Variants in MNAT1 observed in about 807,000 individuals in gnomAD.
The protein encoded by MNAT1 is MNAT1 component of CDK activating kinase, also known as CDK-activating kinase assembly factor MAT1.
In MNAT1, 43 loss-of-function variants were observed where a neutral mutation model predicts 42.0. That is an observed-to-expected ratio of 1.02 (90% CI 0.80 to 1.32). The LOEUF (loss-of-function observed/expected upper bound fraction) is 1.32, where lower values mean the gene tolerates loss of function less well. MNAT1 is among the 40% of genes most tolerant of loss of function. The pLI is 0.00. For synonymous variants in MNAT1, 118 were observed against 120.0 expected, an observed-to-expected ratio of 0.98 and a Z score of 0.11; for missense variants, 306 against 350.4, an observed-to-expected ratio of 0.87 and a Z score of 1.01.
intron 1 of MNAT1, among the ~76,000 whole-genome samples, chr14:60,736,374 T>G (rs901312676): frequency 1.3e-5 from 2 of 152,120 alleles, no homozygotes; most frequent in Non-Finnish European, 2.9e-5. Context: ...CTAGCAGCAC[T>G]TAGCCATTCA....
At chr14:60,918,493 C>A (rs2035581595) in intron 7 of MNAT1, among the ~76,000 whole-genome samples, 1 of 151,572 alleles carries the variant, frequency 6.6e-6, no homozygotes, top group South Asian at 2.1e-4. Flanking sequence ...GAGGCATGAG[C>A]CACAGTGCCC....
intron 7 of MNAT1, among the ~76,000 whole-genome samples, chr14:60,884,269 A>G (rs1005667226): frequency 6.6e-6 from 1 of 152,118 alleles, no homozygotes; most frequent in Non-Finnish European, 1.5e-5. Flanking sequence ...GGTTTTTACC[A>G]TGAAAGAATG....
chr14:60,923,309 A>G (rs545620504), intron 7 of MNAT1, among the ~76,000 whole-genome samples: 2 of 152,314 alleles, frequency 1.3e-5, no homozygotes, highest in East Asian at 3.9e-4. Context: ...ACAAGTTCCT[A>G]AGTAATGCTG....
Position 60,822,637 on chromosome 14 carries a change from T to C in MNAT1, c.687+3790T>C, listed in dbSNP as rs377436029. Reference sequence around the variant, plus strand: ...TTTTTTTTGGAGAGGAGGCAGGGTATAGTTATGTTGGCCAGGCTGGTCTTG... The same window carrying C: ...TTTTTTTTGGAGAGGAGGCAGGGTACAGTTATGTTGGCCAGGCTGGTCTTG... On this transcript the variant is annotated intron_variant, in intron 6 of 7. Coordinates refer to ENST00000261245, the MANE Select transcript of MNAT1 (RefSeq NM_002431.4). Among the ~76,000 whole-genome samples the C allele has an allele frequency of 4.5e-4, 67 of 150,384 alleles. 3 individuals are homozygous for C. The East Asian group carries it at 9.8e-3, about 22-fold the overall frequency.
At chr14:60,755,281 C>T (rs2030294556) in intron 1 of MNAT1, among the ~76,000 whole-genome samples, 1 of 152,126 alleles carries the variant, frequency 6.6e-6, no homozygotes, top group Admixed American at 6.5e-5. Context: ...ATAGCTGGGA[C>T]TGCAGGCACG....
At chr14:60,827,916 T>A (rs2033100820) in intron 6 of MNAT1, among the ~76,000 whole-genome samples, 1 of 152,182 alleles carries the variant, frequency 6.6e-6, no homozygotes, top group Non-Finnish European at 1.5e-5. Flanking sequence ...CACATGGATA[T>A]CCCTGAAGAG....
intron 1 of MNAT1, among the ~76,000 whole-genome samples, chr14:60,746,341 C>T (rs890384296): frequency 6.6e-6 from 1 of 151,974 alleles, no homozygotes; most frequent in African/African-American, 2.4e-5. Flanking sequence ...TGGTGAAACC[C>T]CATCTCTACT....
chr14:60,897,517 CT>C (rs993767528), intron 7 of MNAT1, among the ~76,000 whole-genome samples: 25 of 151,996 alleles, frequency 1.6e-4, no homozygotes, highest in African/African-American at 5.5e-4. Context: ...GATAAAATAT[CT>C]TTATTTAAGG....
At chr14:60,783,431 T>C (rs2031534026) in intron 1 of MNAT1, among the ~76,000 whole-genome samples, 1 of 152,244 alleles carries the variant, frequency 6.6e-6, no homozygotes, top group African/African-American at 2.4e-5. Context: ...AGCAAAGTTA[T>C]GTACCTTCAA....
At chr14:60,929,012 T>G (rs2035823351) in intron 7 of MNAT1, among the ~76,000 whole-genome samples, 1 of 150,590 alleles carries the variant, frequency 6.6e-6, no homozygotes, top group South Asian at 2.1e-4. Flanking sequence ...GCCAGTGTGG[T>G]CGCATGTGCC....
intron 6 of MNAT1, among the ~76,000 whole-genome samples, chr14:60,843,134 C>T (rs1309856870): frequency 6.6e-6 from 1 of 152,160 alleles, no homozygotes; most frequent in East Asian, 1.9e-4. Context: ...GTAATCCTAG[C>T]ACTTTCAGTC....
At chr14:60,745,561 T>C (rs1245863075) in intron 1 of MNAT1, among the ~76,000 whole-genome samples, 2 of 152,044 alleles carry the variant, frequency 1.3e-5, no homozygotes, top group Non-Finnish European at 2.9e-5. Context: ...GGATTACAGG[T>C]GTGTACCACC....
intron 7 of MNAT1, among the ~76,000 whole-genome samples, chr14:60,913,747 A>G (rs1022245459): frequency 6.6e-6 from 1 of 152,028 alleles, no homozygotes; most frequent in Non-Finnish European, 1.5e-5. Flanking sequence ...ACTGGGGGGT[A>G]CCTCCTAGTT....
intron 7 of MNAT1, among the ~76,000 whole-genome samples, chr14:60,943,052 G>GCTT (rs2036207706): frequency 1.2e-4 from 1 of 8,284 alleles, no homozygotes; most frequent in Non-Finnish European, 3.5e-4. Context: ...GTGTGTGTGC[G>GCTT]CTTTTTTTTT....
chr14:60,844,179 A>C (rs963485930), intron 6 of MNAT1, among the ~76,000 whole-genome samples: 11 of 152,140 alleles, frequency 7.2e-5, no homozygotes, highest in Non-Finnish European at 1.2e-4. Flanking sequence ...AGGTAGTATA[A>C]GTGTTCCAAT....
chr14:60,822,393 T>C (rs937433077), intron 6 of MNAT1, among the ~76,000 whole-genome samples: 1 of 152,182 alleles, frequency 6.6e-6, no homozygotes, highest in Non-Finnish European at 1.5e-5. Context: ...TGTGGCAAAG[T>C]TGCTTCAGCA....
chr14:60,833,136 G>A (rs2033274484), intron 6 of MNAT1, among the ~76,000 whole-genome samples: 1 of 152,124 alleles, frequency 6.6e-6, no homozygotes, highest in Non-Finnish European at 1.5e-5. Context: ...GAGACAATTT[G>A]ACTTCCTCTC....
chr14:60,912,574 C>T (rs2035396913), intron 7 of MNAT1, among the ~76,000 whole-genome samples: 1 of 152,134 alleles, frequency 6.6e-6, no homozygotes, highest in African/African-American at 2.4e-5. Flanking sequence ...TTCTCCTTCA[C>T]TTATGAAGCT....
In MNAT1 at chr14:60,805,419, C is replaced by T. The variant is rs1356789993; in HGVS notation, c.317-2906C>T. Reference sequence around the variant, plus strand: ...CCTACATTGAGATATCATTATCACACAAAGTCTGTAGTTTACACTAGGATT... The same window carrying T: ...CCTACATTGAGATATCATTATCACATAAAGTCTGTAGTTTACACTAGGATT... On this transcript the variant is annotated intron_variant, in intron 3 of 7. Coordinates refer to ENST00000261245, the MANE Select transcript of MNAT1 (RefSeq NM_002431.4). 2.0e-5 allele frequency among the ~76,000 whole-genome samples: 3 copies of T among 152,216 alleles called. No homozygotes were observed. In the East Asian group the frequency reaches 5.8e-4, roughly 29 times the overall value.
Sources: gnomAD v4.1 joint callset for allele counts (sites outside exome capture counted in the v4.1 genomes callset) on GRCh38, gnomAD v4.1.1 for gene constraint, MANE v1.5 for transcripts, NCBI Gene and HGNC (gene_info 2026-07-23, HGNC 2026-07-21) for gene names.